CNTNAP2: variants seen among roughly 807,000 people sequenced by gnomAD.
CNTNAP2 encodes the protein contactin associated protein 2, also known as contactin-associated protein-like 2.
In CNTNAP2, 98 loss-of-function variants were observed where a neutral mutation model predicts 155.2. That is an observed-to-expected ratio of 0.63 (90% CI 0.54 to 0.75). The LOEUF is 0.75. Among genes scored for constraint, CNTNAP2 ranks in the 30% least tolerant of loss-of-function variants. The probability of loss-of-function intolerance (pLI) is 0.00; values close to 1 mark genes in which losing one functional copy is unlikely to be tolerated. For missense variants in CNTNAP2, 1,727 were observed against 1,688.1 expected (o/e 1.02, Z -0.40); for synonymous variants, 651 against 631.2 (o/e 1.03, Z -0.47).
chr7:146,257,499 A>G lies in CNTNAP2; in HGVS notation c.97+140526A>G, dbSNP rs189336612. Among the ~76,000 whole-genome samples, 4 of 152,310 alleles carry G rather than the reference A, an allele frequency of 2.6e-5. No individual in the cohort carries two copies. In the East Asian group the frequency reaches 7.7e-4, roughly 29 times the overall value. On this transcript the variant is annotated intron_variant, in intron 1 of 23. Transcript: ENST00000361727. ...TTCAAAAACTATCACGTACTTCCAG[A>G]TGTAAAAGGATTATGTCTCTTGGAT...
intron 1 of CNTNAP2, among the ~76,000 whole-genome samples, chr7:146,664,157 CTTTT>C (rs35241151): frequency 0.013 from 878 of 68,494 alleles, 1 homozygote; most frequent in African/African-American, 0.026. Flanking sequence ...CAATAAATTC[CTTTT>C]TTTTTTTTTT....
chr7:147,403,784 A>G (rs1207178645), intron 10 of CNTNAP2, among the ~76,000 whole-genome samples: 3 of 152,198 alleles, frequency 2.0e-5, no homozygotes, highest in Non-Finnish European at 4.4e-5. Flanking sequence ...TGATAATTGT[A>G]TAACCATTGA....
At chr7:146,236,608 GT>G (rs1799477480) in intron 1 of CNTNAP2, among the ~76,000 whole-genome samples, 1 of 152,110 alleles carries the variant, frequency 6.6e-6, no homozygotes, top group South Asian at 2.1e-4. Flanking sequence ...GACTTCTGAT[GT>G]AAAGGTTTTC....
intron 18 of CNTNAP2, among the ~76,000 whole-genome samples, chr7:148,204,117 T>C (rs1795409923): frequency 6.6e-6 from 1 of 152,224 alleles, no homozygotes; most frequent in Admixed American, 6.5e-5. Context: ...GAAGCAACTC[T>C]AGAGAATTTC....
chr7:146,902,235 G>A (rs367868201), intron 3 of CNTNAP2, among the ~76,000 whole-genome samples: 1 of 152,092 alleles, frequency 6.6e-6, no homozygotes, highest in African/African-American at 2.4e-5. Flanking sequence ...CTGGCAGTGA[G>A]TGTAGGGGAG....
rs370475703 is a variant in CNTNAP2, at chr7:148,292,045, GA to G, written c.3475+24927del. Among the ~76,000 whole-genome samples the G allele has an allele frequency of 7.3e-5, 11 of 151,708 alleles. No individual in the cohort carries two copies. In the South Asian group the frequency reaches 1.5e-3, roughly 20 times the overall value. On this transcript the variant is annotated intron_variant, in intron 21 of 23. Coordinates refer to ENST00000361727, the MANE Select transcript of CNTNAP2 (RefSeq NM_014141.6). The stretch of plus-strand genomic sequence containing the variant: ...TTCATATTTTAGCCCTAGGAGTAAA[GA>G]AAAAAAACATGTCCCAGATCAGCAC...
chr7:147,952,674 T>A (rs1800956165), intron 14 of CNTNAP2, among the ~76,000 whole-genome samples: 1 of 152,106 alleles, frequency 6.6e-6, no homozygotes, highest in Admixed American at 6.5e-5. Context: ...AGTCATCTCA[T>A]GTTGATGAAG....
chr7:147,040,101 A>T (rs941472909), intron 3 of CNTNAP2, among the ~76,000 whole-genome samples: 18 of 152,190 alleles, frequency 1.2e-4, no homozygotes, highest in Non-Finnish European at 1.0e-4. Flanking sequence ...ACTTAAACAA[A>T]TTTACAAGAG....
intron 8 of CNTNAP2, among the ~76,000 whole-genome samples, chr7:147,283,182 A>G (rs1407904776): frequency 1.3e-5 from 2 of 151,952 alleles, no homozygotes; most frequent in African/African-American, 4.8e-5. Flanking sequence ...TAAAGATAAC[A>G]GTGACTCCAA....
At chr7:146,850,760 A>G (rs1489807566) in intron 3 of CNTNAP2, among the ~76,000 whole-genome samples, 2 of 152,078 alleles carry the variant, frequency 1.3e-5, no homozygotes, top group Non-Finnish European at 1.5e-5. Context: ...TTTAAGGAAC[A>G]TACCCGCAAA....
intron 8 of CNTNAP2, among the ~76,000 whole-genome samples, chr7:147,218,176 C>G (rs535579475): frequency 1.3e-5 from 2 of 151,696 alleles, no homozygotes; most frequent in Non-Finnish European, 3.0e-5. Flanking sequence ...TTTTCTTCTT[C>G]TTACTTTGAG....
At chr7:148,263,468 G>A (rs974638169) in intron 20 of CNTNAP2, among the ~76,000 whole-genome samples, 17 of 152,094 alleles carry the variant, frequency 1.1e-4, no homozygotes, top group African/African-American at 3.9e-4. Flanking sequence ...GCCGGGTGCG[G>A]TGGCTCACGC....
intron 3 of CNTNAP2, among the ~76,000 whole-genome samples, chr7:146,951,254 C>T (rs1001829117): frequency 1.3e-5 from 2 of 152,172 alleles, no homozygotes; most frequent in Non-Finnish European, 2.9e-5. Context: ...TGCCTGTTCA[C>T]TCTGATGATA....
chr7:147,276,730 G>A (rs772852989), intron 8 of CNTNAP2, among the ~76,000 whole-genome samples: 2 of 151,872 alleles, frequency 1.3e-5, no homozygotes, highest in African/African-American at 4.8e-5. Flanking sequence ...AACAGATATG[G>A]CAATATTAAT....
At chr7:146,715,030 T>C (rs1449540150) in intron 1 of CNTNAP2, among the ~76,000 whole-genome samples, 1 of 152,112 alleles carries the variant, frequency 6.6e-6, no homozygotes, top group Non-Finnish European at 1.5e-5. Flanking sequence ...AGTATTTTTA[T>C]ACTCTAAAAC....
chr7:148,200,057 A>G (rs992886277), intron 18 of CNTNAP2, among the ~76,000 whole-genome samples: 10 of 152,174 alleles, frequency 6.6e-5, no homozygotes, highest in Admixed American at 3.9e-4. Flanking sequence ...CAGGTGCTCA[A>G]TGGATTGGGT....
At chr7:147,930,561 G>C (rs1016298699) in intron 14 of CNTNAP2, among the ~76,000 whole-genome samples, 1 of 152,186 alleles carries the variant, frequency 6.6e-6, no homozygotes, top group African/African-American at 2.4e-5. Context: ...CCCAGCATCA[G>C]TACCTCTAAA....
chr7:147,868,057 T>TGCTCTG (rs1308751511), intron 13 of CNTNAP2, among the ~76,000 whole-genome samples: 1 of 149,260 alleles, frequency 6.7e-6, no homozygotes, highest in African/African-American at 2.4e-5. Flanking sequence ...TCGGTTTTTC[T>TGCTCTG]GCTCTGGTTT....
At chr7:147,695,808 A>C (rs956789770) in intron 13 of CNTNAP2, among the ~76,000 whole-genome samples, 7 of 152,178 alleles carry the variant, frequency 4.6e-5, no homozygotes, top group East Asian at 3.8e-4. Context: ...TCTCAAAAAA[A>C]ATAAAAAACT....
Sources: allele counts gnomAD v4.1 joint callset (sites outside exome capture counted in the v4.1 genomes callset), GRCh38; gene constraint gnomAD v4.1.1; transcripts MANE v1.5; gene names NCBI Gene and HGNC (gene_info 2026-07-23, HGNC 2026-07-21).